Variants in RIC1 observed in about 807,000 individuals in gnomAD.
The protein encoded by RIC1 is RIC1 partner of RAB6A GEF complex, also known as guanine nucleotide exchange factor subunit RIC1.
In RIC1, 88 loss-of-function variants were observed where a neutral mutation model predicts 169.0. That is an observed-to-expected ratio of 0.52 (90% CI 0.44 to 0.62). RIC1 has a LOEUF of 0.62. Among genes scored for constraint, RIC1 ranks in the 20% least tolerant of loss-of-function variants. The pLI is 0.00. For synonymous variants in RIC1, 790 were observed against 601.5 expected (o/e 1.31, Z -4.59); for missense variants, 1,877 against 1,725.5 (o/e 1.09, Z -1.56).
rs74310870 is a variant in RIC1 at position 5,738,545 on chromosome 9, CTT to C, written c.901+27_901+28del. ...ACAGCAAAACAGTATCCTGGTGAGT[CTT>C]TTTTTTTTTTTTTTTTTTTAACATT... On this transcript the variant is annotated splice_region_variant and intron_variant, in intron 8 of 25. Coordinates refer to ENST00000414202, the MANE Select transcript of RIC1 (RefSeq NM_020829.4). 0.08 allele frequency: 63,325 copies of C among 788,770 alleles called. 6 individuals carry two copies. Among genetic ancestry groups the C allele is most frequent in the East Asian group, 0.089 (2,793 of 31,544 alleles). 48.9% of individuals were successfully genotyped at this position (788,770 alleles called of 1,614,324 possible).
intron 8 of RIC1, among the ~76,000 whole-genome samples, chr9:5,739,900 C>T (rs540480808): frequency 1.3e-5 from 2 of 152,182 alleles, no homozygotes; most frequent in African/African-American, 2.4e-5. Context: ...ACAGTAGACA[C>T]CTGGTGAGGC....
At chr9:5,669,753 G>C (rs1301029324) in intron 2 of RIC1, among the ~76,000 whole-genome samples, 2 of 152,188 alleles carry the variant, frequency 1.3e-5, no homozygotes, top group African/African-American at 4.8e-5. Flanking sequence ...GCATGGGCAA[G>C]TGGGAATTTA....
rs748263191 is a variant in RIC1 at position 5,763,312 on chromosome 9, C to G, written c.2285C>G (p.Ser762Cys). 1.2e-6 allele frequency: 2 copies of G among 1,614,052 alleles called. No homozygotes were observed. Among genetic ancestry groups the G allele is most frequent in the African/African-American group, 2.7e-5 (2 of 74,916 alleles). ...LFPRDHRKPHSFLSQRIMLPF... is the reference protein window; with the variant it reads ...LFPRDHRKPHCFLSQRIMLPF... ...CCTAGGGATCACCGCAAGCCCCATT[C>G]CTTCTTGTCCCAGCGGATCATGCTG... The change falls in exon 19 of 26, where the codon TCC becomes TGC. Residue 762 changes from serine to cysteine, a missense_variant. Ser to Cys is a moderately radical substitution (Grantham distance 112). This residue lies in a region of RIC1 where 1,104 missense variants were observed against 992.0 expected (regional missense o/e 1.11). Transcript: ENST00000414202. This position sits in a 1 kb window ranked among gnomAD's most constrained non-coding sequence, Gnocchi z 5.2.
intron 1 of RIC1, among the ~76,000 whole-genome samples, chr9:5,635,373 TC>T (rs1424531678): frequency 5.3e-5 from 8 of 152,132 alleles, no homozygotes; most frequent in Admixed American, 5.2e-4. Flanking sequence ...AAGATAAGGG[TC>T]CAGTTTCCTT....
At chr9:5,655,965 G>A (rs918258682) in intron 1 of RIC1, among the ~76,000 whole-genome samples, 2 of 151,970 alleles carry the variant, frequency 1.3e-5, no homozygotes, top group Non-Finnish European at 2.9e-5. Context: ...TGCCTCCCAG[G>A]TTCACGCTAT....
At chr9:5,678,700 T>C (rs1196249642) in intron 2 of RIC1, among the ~76,000 whole-genome samples, 1 of 152,250 alleles carries the variant, frequency 6.6e-6, no homozygotes, top group Admixed American at 6.5e-5. Context: ...GGGTTGTTTT[T>C]TTCTTGTAAA....
chr9:5,765,378 G>A, intron 19 of RIC1, 36 bp from the exon 20 acceptor site: 1 of 1,591,136 alleles, frequency 6.3e-7, no homozygotes. Context: ...AAATTGTGTA[G>A]TATAAAAAGA....
rs370975386 is a variant in RIC1 at position 5,653,881 on chromosome 9, C to T, written c.145-2702C>T. Among the ~76,000 whole-genome samples, 73 of 152,334 alleles carry T rather than the reference C, an allele frequency of 4.8e-4. No homozygotes were observed. In the East Asian group the frequency reaches 0.012, roughly 25 times the overall value. ...AAAGTGCTGGGATTACAGGCATGCA[C>T]AACCACACCCAGCCTGTCTCCATTT... On this transcript the variant is annotated intron_variant, in intron 1 of 25. Coordinates refer to ENST00000414202, the MANE Select transcript of RIC1 (RefSeq NM_020829.4).
chr9:5,686,847 A>G (rs1821275486), intron 2 of RIC1, among the ~76,000 whole-genome samples: 1 of 152,166 alleles, frequency 6.6e-6, no homozygotes, highest in South Asian at 2.1e-4. Context: ...TGGTTTTGTT[A>G]TGAGGCCTCA....
At chr9:5,695,515 CA>C (rs1821838506) in intron 3 of RIC1, among the ~76,000 whole-genome samples, 1 of 151,808 alleles carries the variant, frequency 6.6e-6, no homozygotes, top group Non-Finnish European at 1.5e-5. Context: ...TCGTAATTCC[CA>C]ATGACACTAG....
intron 4 of RIC1, among the ~76,000 whole-genome samples, chr9:5,717,748 G>A (rs1823341811): frequency 6.6e-6 from 1 of 151,842 alleles, no homozygotes; most frequent in Admixed American, 6.6e-5. Flanking sequence ...AGGAGGCTGA[G>A]GCAGGAGAAT....
intron 25 of RIC1, among the ~76,000 whole-genome samples, 159 bp from the exon 26 acceptor site, chr9:5,773,799 G>C (rs3824443): frequency 0.4 from 61,278 of 152,004 alleles, 12,747 homozygotes; most frequent in East Asian, 0.59. Flanking sequence ...GGGCAGGACA[G>C]CCAAGAAGCC....
intron 3 of RIC1, among the ~76,000 whole-genome samples, chr9:5,709,638 T>C (rs572698466): frequency 3.9e-5 from 6 of 152,336 alleles, no homozygotes; most frequent in South Asian, 2.1e-4. Flanking sequence ...CTTCAACTTA[T>C]TCTTCTAGCC....
intron 3 of RIC1, among the ~76,000 whole-genome samples, chr9:5,712,222 T>A (rs918852103): frequency 4.6e-5 from 7 of 152,178 alleles, no homozygotes; most frequent in African/African-American, 1.4e-4. Context: ...TTTCTTCACA[T>A]CCTCTCCAGC....
chr9:5,747,190 G>T, intron 11 of RIC1, 112 bp from the exon 12 acceptor site: 1 of 754,954 alleles, frequency 1.3e-6, no homozygotes. Flanking sequence ...CGAGATACAT[G>T]TACATTTCCT....
At chr9:5,630,903 G>A (rs1563854725) in intron 1 of RIC1, among the ~76,000 whole-genome samples, 1 of 152,060 alleles carries the variant, frequency 6.6e-6, no homozygotes, top group Non-Finnish European at 1.5e-5. Context: ...AGCACATGCA[G>A]AAAAAAATAG....
chr9:5,653,049 G>C (rs1030533769), intron 1 of RIC1, among the ~76,000 whole-genome samples: 3 of 152,134 alleles, frequency 2.0e-5, no homozygotes, highest in Non-Finnish European at 2.9e-5. Flanking sequence ...CCTGGGATCA[G>C]TCCTACTTGA....
intron 1 of RIC1, among the ~76,000 whole-genome samples, chr9:5,636,404 C>T (rs1047251170): frequency 6.6e-6 from 1 of 152,178 alleles, no homozygotes; most frequent in Non-Finnish European, 1.5e-5. Flanking sequence ...ACTGCAGCCT[C>T]TGCCTCCTGG....
At chr9:5,666,605 AT>A (rs1190678151) in intron 2 of RIC1, among the ~76,000 whole-genome samples, 1 of 152,020 alleles carries the variant, frequency 6.6e-6, no homozygotes, top group Admixed American at 6.6e-5. Context: ...AAGGTGTTAA[AT>A]TTTGTCAAAT....
Sources: allele counts gnomAD v4.1 joint callset (sites outside exome capture counted in the v4.1 genomes callset), GRCh38; gene constraint gnomAD v4.1.1; regional missense constraint gnomAD v4.1.1; non-coding constraint Gnocchi (gnomAD v3.1); transcripts MANE v1.5; gene names NCBI Gene and HGNC (gene_info 2026-07-23, HGNC 2026-07-21).